The following ROR1 variants were observed in gnomAD, a reference collection of about 807,000 sequenced individuals.
ROR1 encodes the protein ROR family WNT receptor 1.
ROR1 carries 19 observed loss-of-function variants against 78.8 expected under a neutral mutation model. The observed-to-expected ratio is 0.24, with a 90% CI of 0.17 to 0.35. The LOEUF (loss-of-function observed/expected upper bound fraction) is 0.35, where lower values mean the gene tolerates loss of function less well. Among genes scored for constraint, ROR1 ranks in the 10% least tolerant of loss-of-function variants. The probability of loss-of-function intolerance (pLI) is 1.00; values close to 1 mark genes in which losing one functional copy is unlikely to be tolerated. For missense variants in ROR1, 917 were observed against 1,177.8 expected (o/e 0.78, Z 3.24); for synonymous variants, 386 against 433.6 (o/e 0.89, Z 1.36).
At chr1:63,983,113 G>T (rs1444232644) in intron 1 of ROR1, among the ~76,000 whole-genome samples, 1 of 152,090 alleles carries the variant, frequency 6.6e-6, no homozygotes, top group Non-Finnish European at 1.5e-5. Flanking sequence ...TAATAACTAA[G>T]GTCCTCCAAT....
chr1:64,071,147 C>T (rs946025006), intron 4 of ROR1, among the ~76,000 whole-genome samples: 5 of 152,160 alleles, frequency 3.3e-5, no homozygotes, highest in East Asian at 1.9e-4. Flanking sequence ...GTTAGAAAGG[C>T]GAGCAGGAGC....
At chr1:63,808,573 T>A (rs1644842722) in intron 1 of ROR1, among the ~76,000 whole-genome samples, 1 of 152,232 alleles carries the variant, frequency 6.6e-6, no homozygotes, top group Non-Finnish European at 1.5e-5. Flanking sequence ...AATTTCTGCC[T>A]TCCCTTATTA....
intron 1 of ROR1, among the ~76,000 whole-genome samples, chr1:63,951,215 C>CT (rs960410227): frequency 2.9e-4 from 44 of 152,254 alleles, no homozygotes; most frequent in African/African-American, 1.0e-3. Flanking sequence ...TTACCAGGAT[C>CT]TAATTTATCA....
intron 1 of ROR1, among the ~76,000 whole-genome samples, chr1:63,782,701 A>G (rs1037822601): frequency 1.3e-5 from 2 of 152,142 alleles, no homozygotes. Flanking sequence ...TGACCACTTC[A>G]TGCAGACCTG....
At position 64,024,908 on chromosome 1, in the gene ROR1, A is replaced by ATTTC. The variant is rs764255930; in HGVS notation, c.163+15535_163+15536insCTTT. On this transcript the variant is annotated intron_variant, in intron 2 of 8. Transcript: ENST00000371079. The stretch of plus-strand genomic sequence containing the variant: ...TAGCCAGTTTATCTCTAACATATTA[A>ATTTC]TTTTTCTCATTCTACTATTAAGATA... Among the ~76,000 whole-genome samples, 33 of 152,186 alleles carry ATTTC rather than the reference A, an allele frequency of 2.2e-4. 2 individuals are homozygous for ATTTC. Among genetic ancestry groups the ATTTC allele is most frequent in the Admixed American group, 1.1e-3 (17 of 15,272 alleles).
chr1:64,114,761 A>G (rs938400298), intron 4 of ROR1, among the ~76,000 whole-genome samples: 9 of 152,118 alleles, frequency 5.9e-5, no homozygotes, highest in Admixed American at 5.9e-4. Flanking sequence ...ATCCAAGTGC[A>G]TTCCTAGCAG....
chr1:63,843,763 T>A, intron 1 of ROR1: 1 of 406,546 alleles, frequency 2.5e-6, no homozygotes, highest in Non-Finnish European at 4.9e-6. Context: ...GGGACCCGAC[T>A]GCACTCTGTT....
intron 4 of ROR1, among the ~76,000 whole-genome samples, chr1:64,118,590 G>GCCACTGCA (rs1648403689): frequency 7.7e-6 from 1 of 129,542 alleles, no homozygotes; most frequent in South Asian, 2.5e-4. Flanking sequence ...CCAAGATTGC[G>GCCACTGCA]CCACTGCACT....
chr1:64,153,477 A>G (rs1649684285), intron 7 of ROR1, among the ~76,000 whole-genome samples: 1 of 152,248 alleles, frequency 6.6e-6, no homozygotes, highest in Admixed American at 6.5e-5. Flanking sequence ...ATTATTCATG[A>G]TAGCCGTTTA....
rs537199168 is a variant in ROR1 at position 64,082,481 on chromosome 1, G to T, written c.482+31765G>T. Reference sequence around the variant, plus strand: ...CATATATGGTAGGAGTGGGGAAGAGGTTAGGCTTAGTCTTGTATGAGTTGG... The same window carrying T: ...CATATATGGTAGGAGTGGGGAAGAGTTTAGGCTTAGTCTTGTATGAGTTGG... On this transcript the variant is annotated intron_variant, in intron 4 of 8. Transcript: ENST00000371079. Among the ~76,000 whole-genome samples, 14 of 152,284 alleles carry T rather than the reference G, an allele frequency of 9.2e-5. No individual in the cohort carries two copies. The East Asian group carries it at 2.7e-3, about 29-fold the overall frequency.
intron 1 of ROR1, among the ~76,000 whole-genome samples, chr1:63,905,963 T>C (rs2100409772): frequency 6.6e-6 from 1 of 152,330 alleles, no homozygotes; most frequent in East Asian, 1.9e-4. Context: ...GGGAATATCA[T>C]AATTATTACT....
At chr1:64,077,432 C>CCCCAGGCCCTGAAGG (rs1349931082) in intron 4 of ROR1, among the ~76,000 whole-genome samples, 1 of 151,882 alleles carries the variant, frequency 6.6e-6, no homozygotes, top group Non-Finnish European at 1.5e-5. Flanking sequence ...GCTGACTTTA[C>CCCCAGGCCCTGAAGG]CCCAGGCCCT....
rs1644599905 is a variant in ROR1 at position 63,774,491 on chromosome 1, G to A, written c.74G>A (p.Arg25His). The A allele has an allele frequency of 1.7e-6, 2 of 1,145,588 alleles. No homozygotes were observed. The highest frequency in any genetic ancestry group is 1.1e-6 in the Non-Finnish European group (1 of 937,230). The allele number at this position is 1,145,588 out of a possible 1,614,324, so 71.0% of individuals were successfully genotyped here. ...CTGGCCGCGCTGCTGCTGGCCGCAC[G>A]CGGGGCTGCTGCCCAAGGTAAGAGG... Reference protein sequence around the residue: ...ALLAALLLAARGAAAQETELS... With the variant: ...ALLAALLLAAHGAAAQETELS... Residue 25 changes from arginine (R) to histidine (H), a missense_variant, in exon 1 of 9, where the codon CGC (arginine) becomes CAC (histidine). This residue lies in a region of ROR1 where 63 missense variants were observed against 57.0 expected (regional missense o/e 1.10). Transcript: ENST00000371079. The surrounding 1 kb of genome is among the most constrained non-coding windows in gnomAD (Gnocchi z 5.7).
chr1:63,808,632 AG>A (rs1311452732), intron 1 of ROR1, among the ~76,000 whole-genome samples: 3 of 152,130 alleles, frequency 2.0e-5, no homozygotes, highest in Non-Finnish European at 4.4e-5. Flanking sequence ...TTGAGAAAGG[AG>A]GTTTCCCAGG....
intron 2 of ROR1, 49 bp from the exon 3 acceptor site, chr1:64,049,642 C>T: frequency 1.3e-6 from 2 of 1,547,804 alleles, no homozygotes; most frequent in Non-Finnish European, 1.8e-6. Flanking sequence ...GCTTGGAAGC[C>T]CTCTCAAGCT....
intron 1 of ROR1, among the ~76,000 whole-genome samples, chr1:63,909,906 G>C (rs1002675950): frequency 2.6e-5 from 4 of 152,156 alleles, no homozygotes; most frequent in African/African-American, 9.7e-5. Flanking sequence ...AAAAAATATG[G>C]TCTGTTCTCT....
chr1:64,051,326 T>C (rs1267046926), intron 4 of ROR1, among the ~76,000 whole-genome samples: 1 of 151,290 alleles, frequency 6.6e-6, no homozygotes, highest in African/African-American at 2.4e-5. Context: ...GGTGGGCGCC[T>C]GTAGTCCCAG....
chr1:63,918,327 C>T (rs937084675), intron 1 of ROR1, among the ~76,000 whole-genome samples: 2 of 152,174 alleles, frequency 1.3e-5, no homozygotes, highest in African/African-American at 4.8e-5. Flanking sequence ...AATCTCACAA[C>T]AAAGCAATGA....
rs191032248 is a variant in ROR1 at position 63,906,086 on chromosome 1, A to G, written c.92-103219A>G. 2.2e-4 allele frequency among the ~76,000 whole-genome samples: 34 copies of G among 152,294 alleles called. 1 individual carries two copies. In the East Asian group the frequency reaches 5.0e-3, roughly 22 times the overall value. Reference sequence around the variant, plus strand: ...AGCAAAGGTGGAATACAACATGCTTATAATATGGGGAAGAACAGATCTTGG... The same window carrying G: ...AGCAAAGGTGGAATACAACATGCTTGTAATATGGGGAAGAACAGATCTTGG... On this transcript the variant is annotated intron_variant, in intron 1 of 8. Coordinates refer to ENST00000371079, the MANE Select transcript of ROR1 (RefSeq NM_005012.4).
Sources: allele counts gnomAD v4.1 joint callset (sites outside exome capture counted in the v4.1 genomes callset), GRCh38; gene constraint gnomAD v4.1.1; regional missense constraint gnomAD v4.1.1; non-coding constraint Gnocchi (gnomAD v3.1); transcripts MANE v1.5; gene names NCBI Gene and HGNC (gene_info 2026-07-23, HGNC 2026-07-21).